Variants in CACNA2D3 observed in about 807,000 individuals in gnomAD.
CACNA2D3 encodes the protein voltage-dependent calcium channel subunit alpha-2/delta-3.
CACNA2D3 carries 60 observed loss-of-function variants against 160.6 expected under a neutral mutation model. That is an observed-to-expected ratio of 0.37 (90% CI 0.30 to 0.46). The LOEUF is 0.46. CACNA2D3 is among the 20% of genes least tolerant of loss of function. The probability of loss-of-function intolerance (pLI) is 1.00; values close to 1 mark genes in which losing one functional copy is unlikely to be tolerated. For missense variants in CACNA2D3, 1,205 were observed against 1,365.0 expected, an observed-to-expected ratio of 0.88 and a Z score of 1.85; for synonymous variants, 558 against 492.9, an observed-to-expected ratio of 1.13 and a Z score of -1.75.
chr3:54,470,065 T>A (rs1575474438), intron 4 of CACNA2D3, among the ~76,000 whole-genome samples: 1 of 152,024 alleles, frequency 6.6e-6, no homozygotes, highest in Non-Finnish European at 1.5e-5. Flanking sequence ...CATTCAAATT[T>A]AGGAAATACA....
At chr3:54,602,161 A>G (rs1703071270) in intron 9 of CACNA2D3, among the ~76,000 whole-genome samples, 2 of 152,270 alleles carry the variant, frequency 1.3e-5, no homozygotes, top group East Asian at 3.9e-4. Context: ...ACAAAATAAA[A>G]ATGCAGGGCT....
At chr3:54,717,739 TG>T (rs1701083300) in intron 11 of CACNA2D3, among the ~76,000 whole-genome samples, 2 of 130,558 alleles carry the variant, frequency 1.5e-5, no homozygotes, top group Non-Finnish European at 3.3e-5. Context: ...TGTGTGTGCA[TG>T]TGTGGTGTGG....
chr3:54,797,812 C>G (rs1234232018), intron 13 of CACNA2D3, among the ~76,000 whole-genome samples: 1 of 152,164 alleles, frequency 6.6e-6, no homozygotes, highest in Non-Finnish European at 1.5e-5. Flanking sequence ...ATGTGATGTT[C>G]ACCTTAGAGC....
intron 5 of CACNA2D3, among the ~76,000 whole-genome samples, chr3:54,554,806 C>T (rs138037508): frequency 1.1e-3 from 162 of 151,022 alleles, no homozygotes; most frequent in African/African-American, 3.0e-3. Context: ...ATGTGGAGAA[C>T]ATGGTGAAAG....
At chr3:54,278,901 T>G (rs574399751) in intron 2 of CACNA2D3, among the ~76,000 whole-genome samples, 17 of 152,152 alleles carry the variant, frequency 1.1e-4, no homozygotes, top group African/African-American at 4.1e-4. Flanking sequence ...GGTTGATGGG[T>G]GCAGTGAACC....
At chr3:54,123,402 G>T in intron 1 of CACNA2D3, 111 bp from the exon 2 acceptor site, 1 of 768,062 alleles carries the variant, frequency 1.3e-6, no homozygotes, top group East Asian at 2.6e-5. Flanking sequence ...TTTAAAACAT[G>T]TTACATCGCA....
intron 5 of CACNA2D3, among the ~76,000 whole-genome samples, chr3:54,523,385 G>A (rs1701677257): frequency 6.6e-6 from 1 of 152,088 alleles, no homozygotes; most frequent in African/African-American, 2.4e-5. Context: ...GCATTCTAGG[G>A]ATAAATCTCA....
At chr3:54,597,693 A>G (rs952468520) in intron 9 of CACNA2D3, among the ~76,000 whole-genome samples, 1 of 152,096 alleles carries the variant, frequency 6.6e-6, no homozygotes, top group Non-Finnish European at 1.5e-5. Context: ...AAATAAAACC[A>G]TGGATAAAAC....
chr3:54,243,862 C>G (rs961454915), intron 2 of CACNA2D3, among the ~76,000 whole-genome samples: 21 of 152,302 alleles, frequency 1.4e-4, no homozygotes, highest in African/African-American at 5.1e-4. Context: ...TGACACCAGC[C>G]TGCTTTCCTC....
At chr3:54,868,216 T>C (rs974811406) in intron 17 of CACNA2D3, among the ~76,000 whole-genome samples, 1 of 152,244 alleles carries the variant, frequency 6.6e-6, no homozygotes, top group Non-Finnish European at 1.5e-5. Flanking sequence ...ATCACTCTGC[T>C]GCATGACTGT....
At chr3:54,588,643 C>A (rs1379885512) in intron 9 of CACNA2D3, among the ~76,000 whole-genome samples, 1 of 152,070 alleles carries the variant, frequency 6.6e-6, no homozygotes, top group African/African-American at 2.4e-5. Context: ...CATCCTATTT[C>A]TCTACCTTAA....
chr3:54,758,670 A>G (rs1359309612), intron 12 of CACNA2D3, among the ~76,000 whole-genome samples: 1 of 152,180 alleles, frequency 6.6e-6, no homozygotes, highest in African/African-American at 2.4e-5. Flanking sequence ...GCTCATAGGG[A>G]ATGCAAACCA....
intron 11 of CACNA2D3, among the ~76,000 whole-genome samples, chr3:54,668,977 C>T (rs544691947): frequency 2.0e-5 from 3 of 152,348 alleles, no homozygotes; most frequent in Non-Finnish European, 2.9e-5. Context: ...TAGCCTAGGT[C>T]ATGTTCCTTT....
At chr3:54,961,711 T>C (rs1575409433) in intron 27 of CACNA2D3, among the ~76,000 whole-genome samples, 2 of 152,174 alleles carry the variant, frequency 1.3e-5, no homozygotes, top group Non-Finnish European at 2.9e-5. Flanking sequence ...AGCAGTCTTC[T>C]TGGGTTCTGT....
intron 11 of CACNA2D3, among the ~76,000 whole-genome samples, chr3:54,720,912 TA>T (rs1217531391): frequency 1.3e-5 from 2 of 152,156 alleles, no homozygotes; most frequent in South Asian, 2.1e-4. Context: ...CAAGATATAC[TA>T]AAAAATAGTG....
chr3:54,752,900 G>A lies in CACNA2D3; in HGVS notation c.1246+223G>A, dbSNP rs548826301. Among the ~76,000 whole-genome samples, 22 of 129,346 alleles carry A rather than the reference G, an allele frequency of 1.7e-4. No individual in the cohort carries two copies. In the South Asian group the frequency reaches 3.9e-3, roughly 23 times the overall value. The allele number at this position is 129,346 out of a possible 152,430, so 84.9% of individuals were successfully genotyped here. A position where few individuals can be genotyped will look rare whatever the true frequency, so the allele number is the denominator to read the frequency against. On this transcript the variant is annotated intron_variant, in intron 12 of 37. Coordinates refer to ENST00000474759, the MANE Select transcript of CACNA2D3 (RefSeq NM_018398.3). ...TTTGTGGACAGAATCTTGCTCTGTT[G>A]CCCAGGCTGGAGTGCAGTAACGCGA...
intron 6 of CACNA2D3, among the ~76,000 whole-genome samples, chr3:54,564,226 C>G (rs1343850798): frequency 6.6e-6 from 1 of 152,148 alleles, no homozygotes; most frequent in African/African-American, 2.4e-5. Flanking sequence ...CCTGTTGTCT[C>G]CTCCAACAGG....
chr3:55,009,890 G>A (rs779313481), intron 34 of CACNA2D3, among the ~76,000 whole-genome samples: 1 of 152,068 alleles, frequency 6.6e-6, no homozygotes, highest in African/African-American at 2.4e-5. Context: ...ATTTGAGGAG[G>A]GTGTAATTAG....
chr3:54,827,648 T>G (rs1201822704), intron 14 of CACNA2D3, among the ~76,000 whole-genome samples: 1 of 152,102 alleles, frequency 6.6e-6, no homozygotes, highest in East Asian at 1.9e-4. Flanking sequence ...ACAGGCAAAA[T>G]ACACAAAGAT....
Sources: allele counts gnomAD v4.1 joint callset (sites outside exome capture counted in the v4.1 genomes callset), GRCh38; gene constraint gnomAD v4.1.1; transcripts MANE v1.5; gene names NCBI Gene and HGNC (gene_info 2026-07-23, HGNC 2026-07-21).